DYSF: variants seen among roughly 807,000 people sequenced by gnomAD.
DYSF encodes the protein dystrophy-associated fer-1-like 1.
In DYSF, 212 loss-of-function variants were observed where a neutral mutation model predicts 274.9. The ratio of observed to expected loss-of-function variants is 0.77; its 90% confidence interval spans 0.69 to 0.86. The LOEUF (loss-of-function observed/expected upper bound fraction) is 0.86. DYSF is among the 40% of genes least tolerant of loss of function. DYSF has a pLI of 0.00. For synonymous variants in DYSF, 1,091 were observed against 1,078.7 expected (o/e 1.01, Z -0.22); for missense variants, 2,666 against 2,783.2 (o/e 0.96, Z 0.95).
At chr2:71,582,980 G>C (rs1387953249) in intron 30 of DYSF, among the ~76,000 whole-genome samples, 1 of 144,228 alleles carries the variant, frequency 6.9e-6, no homozygotes, top group Non-Finnish European at 1.5e-5. Flanking sequence ...GGAGGTTAAG[G>C]CTGCAGTGAG....
chr2:71,536,694 C>T lies in DYSF; in HGVS notation c.1493+1383C>T, dbSNP rs754851948. Among the ~76,000 whole-genome samples, 63 of 152,320 alleles carry T rather than the reference C, an allele frequency of 4.1e-4. No homozygotes were observed. In the Middle Eastern group the frequency reaches 0.01, roughly 25 times the overall value. On this transcript the variant is annotated intron_variant, in intron 16 of 55. Coordinates refer to ENST00000410020, the MANE Select transcript of DYSF (RefSeq NM_001130987.2). ...ATTACAGAATCTGGTGGTTGCATCT[C>T]TGGTTTGGGTTGAAGTGGCATTTTT... is the stretch of plus-strand genomic sequence containing the variant.
intron 1 of DYSF, among the ~76,000 whole-genome samples, chr2:71,461,278 C>T (rs1241798990): frequency 6.9e-6 from 1 of 145,348 alleles, no homozygotes; most frequent in East Asian, 1.9e-4. Context: ...AGTCATTTGC[C>T]AGAGGGACCC....
chr2:71,574,840 G>A (rs1161332975), intron 30 of DYSF, among the ~76,000 whole-genome samples: 2 of 152,200 alleles, frequency 1.3e-5, no homozygotes, highest in African/African-American at 4.8e-5. Flanking sequence ...TGAGCCCCAG[G>A]ATGACTTTCC....
intron 6 of DYSF, 124 bp from the exon 7 acceptor site, chr2:71,513,592 G>C: frequency 1.0e-6 from 1 of 1,000,810 alleles, no homozygotes; most frequent in South Asian, 1.4e-5. Context: ...GGAGGGAGAG[G>C]AAGAGGGGAT....
chr2:71,551,598 C>G lies in DYSF; in HGVS notation c.1693-9C>G. 1 of 1,599,344 alleles carries G rather than the reference C, an allele frequency of 6.3e-7. No individual in the cohort carries two copies. Among genetic ancestry groups the G allele is most frequent in the South Asian group, 1.1e-5 (1 of 88,068 alleles). On this transcript the variant is annotated splice_polypyrimidine_tract_variant and intron_variant, in intron 18 of 55. Coordinates refer to ENST00000410020, the MANE Select transcript of DYSF (RefSeq NM_001130987.2). ...TCCCCTGCTCCTTGTGACCTGACCT[C>G]CCTGGCAGGGGGAAGGTGTGGCTTA... is the stretch of plus-strand genomic sequence containing the variant.
intron 1 of DYSF, among the ~76,000 whole-genome samples, chr2:71,471,250 A>C (rs1356108781): frequency 6.6e-6 from 1 of 152,168 alleles, no homozygotes; most frequent in Non-Finnish European, 1.5e-5. Context: ...TTTTTTCTTA[A>C]AAATTTTAGT....
chr2:71,458,141 A>T (rs1228371359), intron 1 of DYSF, among the ~76,000 whole-genome samples: 1 of 152,234 alleles, frequency 6.6e-6, no homozygotes, highest in Non-Finnish European at 1.5e-5. Flanking sequence ...TAAAGTGTTG[A>T]TAACAATAGC....
intron 52 of DYSF, among the ~76,000 whole-genome samples, chr2:71,676,895 T>C (rs1218462128): frequency 6.6e-6 from 1 of 151,414 alleles, no homozygotes; most frequent in Non-Finnish European, 1.5e-5. Flanking sequence ...CCTTACAGTC[T>C]TTTATGTAGA....
At chr2:71,621,224 C>CA (rs1243171949) in intron 41 of DYSF, among the ~76,000 whole-genome samples, 1 of 152,040 alleles carries the variant, frequency 6.6e-6, no homozygotes, top group Non-Finnish European at 1.5e-5. Context: ...TGGTGAGGGC[C>CA]AGTGGGAGCC....
At chr2:71,464,553 T>C (rs909141008), upstream of DYSF, among the ~76,000 whole-genome samples, 3 of 152,140 alleles carry the variant, frequency 2.0e-5, no homozygotes, top group Non-Finnish European at 4.4e-5. Flanking sequence ...GGCGCTGGTC[T>C]GGCCTGTCTG....
intron 14 of DYSF, among the ~76,000 whole-genome samples, chr2:71,533,288 G>A (rs1258406859): frequency 6.6e-6 from 1 of 152,170 alleles, no homozygotes; most frequent in Non-Finnish European, 1.5e-5. Flanking sequence ...CCAAAGTGCT[G>A]GGATTAAGGC....
chr2:71,640,740 C>CGT (rs70963107), intron 41 of DYSF, among the ~76,000 whole-genome samples: 25,279 of 148,246 alleles, frequency 0.17, 2,307 homozygotes, highest in Non-Finnish European at 0.21. Context: ...GAGATTAATC[C>CGT]GTGTGTGTGT....
chr2:71,473,220 T>A (rs1308718529), intron 1 of DYSF, among the ~76,000 whole-genome samples: 1 of 152,180 alleles, frequency 6.6e-6, no homozygotes, highest in Non-Finnish European at 1.5e-5. Context: ...CTGCTTTTTG[T>A]TTGGGGGTGT....
In DYSF at chr2:71,590,275, G is replaced by A. The variant is rs2093222447; in HGVS notation, c.3561G>A (p.Lys1187=). ...YQARDLAAMD[K]DSFSDPYAIV... ...CCCGGGACCTGGCTGCGATGGACAAGGACTCTTTTTCTGGTAGGTGGGAGA... is the reference window on the plus strand; with the variant it reads ...CCCGGGACCTGGCTGCGATGGACAAAGACTCTTTTTCTGGTAGGTGGGAGA... The change falls in exon 32 of 56, where the codon AAG becomes AAA. Residue 1187 remains lysine (K), a synonymous_variant. Coordinates refer to ENST00000410020, the MANE Select transcript of DYSF (RefSeq NM_001130987.2). 1 of 1,614,174 alleles carries A rather than the reference G, an allele frequency of 6.2e-7. No individual in the cohort carries two copies. The highest frequency in any genetic ancestry group is 1.3e-5 in the African/African-American group (1 of 75,036).
upstream of DYSF, among the ~76,000 whole-genome samples, chr2:71,461,780 C>G (rs1056933666): frequency 6.6e-6 from 1 of 152,190 alleles, no homozygotes; most frequent in Non-Finnish European, 1.5e-5. Flanking sequence ...GTACCAAAGT[C>G]ACAGGGGTCA....
intron 36 of DYSF, among the ~76,000 whole-genome samples, chr2:71,605,534 A>G (rs1483765172): frequency 1.3e-5 from 2 of 150,720 alleles, no homozygotes; most frequent in Admixed American, 1.3e-4. Context: ...GGAGGTGGGG[A>G]GGGGAGGGGG....
intron 16 of DYSF, 91 bp downstream of exon 16, chr2:71,535,402 G>C: frequency 7.6e-7 from 1 of 1,309,888 alleles, no homozygotes; most frequent in East Asian, 2.3e-5. Context: ...CTGGTAGTAA[G>C]AGTGTGAGGG....
chr2:71,524,670 C>G (rs4241249), intron 12 of DYSF, among the ~76,000 whole-genome samples: 103,667 of 152,124 alleles, frequency 0.68, 36,178 homozygotes, highest in Middle Eastern at 0.76. Flanking sequence ...GCTCGCTAGC[C>G]CAAGAGCAGC....
At chr2:71,598,440 T>C (rs1574262134) in intron 32 of DYSF, 124 bp from the exon 33 acceptor site, 1 of 1,153,022 alleles carries the variant, frequency 8.7e-7, no homozygotes, top group Non-Finnish European at 1.3e-6. Context: ...AGCATGAATG[T>C]TGTTGCTCCA....
Sources: allele counts gnomAD v4.1 joint callset (sites outside exome capture counted in the v4.1 genomes callset), GRCh38; gene constraint gnomAD v4.1.1; transcripts MANE v1.5; gene names NCBI Gene and HGNC (gene_info 2026-07-23, HGNC 2026-07-21).